The following SGMS2 variants were observed in gnomAD, a reference collection of about 807,000 sequenced individuals.
The protein encoded by SGMS2 is phosphatidylcholine:ceramide cholinephosphotransferase 2.
A neutral mutation model predicts 43.8 loss-of-function variants in SGMS2; 21 were observed. The observed-to-expected ratio is 0.48, with a 90% CI of 0.34 to 0.69. The LOEUF (loss-of-function observed/expected upper bound fraction) is 0.69, where lower values mean the gene tolerates loss of function less well. Among genes scored for constraint, SGMS2 ranks in the 30% least tolerant of loss-of-function variants. SGMS2 has a pLI of 0.01. For synonymous variants in SGMS2, 167 were observed against 160.6 expected, an observed-to-expected ratio of 1.04 and a Z score of -0.30; for missense variants, 384 against 443.2, an observed-to-expected ratio of 0.87 and a Z score of 1.20.
chr4:107,875,200 T>G (rs1288037428), intron 2 of SGMS2, among the ~76,000 whole-genome samples: 1 of 152,182 alleles, frequency 6.6e-6, no homozygotes, highest in Non-Finnish European at 1.5e-5. Context: ...TAAAGACACA[T>G]GCACATGTCT....
At chr4:107,905,850 G>T (rs1731513074) in intron 5 of SGMS2, among the ~76,000 whole-genome samples, 1 of 152,172 alleles carries the variant, frequency 6.6e-6, no homozygotes, top group Non-Finnish European at 1.5e-5. Context: ...ATACTTTAAT[G>T]AAGGCCTCTC....
intron 2 of SGMS2, among the ~76,000 whole-genome samples, chr4:107,870,339 G>A (rs980992242): frequency 2.0e-5 from 3 of 152,102 alleles, no homozygotes; most frequent in African/African-American, 7.2e-5. Context: ...AGGTGAGCAG[G>A]GGAGGGAGTT....
chr4:107,885,157 G>A (rs1370783014), intron 2 of SGMS2, among the ~76,000 whole-genome samples: 1 of 151,980 alleles, frequency 6.6e-6, no homozygotes, highest in East Asian at 1.9e-4. Context: ...GATCTCTATA[G>A]ATTCATCTCC....
At chr4:107,891,571 G>A (rs560211260) in intron 2 of SGMS2, among the ~76,000 whole-genome samples, 4 of 152,234 alleles carry the variant, frequency 2.6e-5, no homozygotes, top group South Asian at 2.1e-4. Flanking sequence ...CAAGGAGTGA[G>A]GTTAAAAGCA....
Position 107,914,590 on chromosome 4 carries a change from A to C in SGMS2, c.*4037A>C, listed in dbSNP as rs189733946. The C allele has an allele frequency of 6.6e-6, 1 of 151,998 alleles. No individual in the cohort carries two copies. The highest frequency in any genetic ancestry group is 1.5e-5 in the Non-Finnish European group (1 of 67,966). 9.4% of individuals were successfully genotyped at this position (151,998 alleles called of 1,614,324 possible). ...TTGTAAAGTAAAATTTTAAGTCTAG[A>C]TTCATTATTTTCCTGACATATATTT... On this transcript the variant is annotated 3_prime_UTR_variant, in exon 7 of 7. Transcript: ENST00000690982.
intron 2 of SGMS2, among the ~76,000 whole-genome samples, chr4:107,875,995 C>G (rs1049962949): frequency 2.6e-5 from 4 of 152,126 alleles, no homozygotes; most frequent in Non-Finnish European, 5.9e-5. Flanking sequence ...TAAATTGCAG[C>G]AAGTGATGGA....
chr4:107,837,600 G>A (rs907336406), intron 1 of SGMS2, among the ~76,000 whole-genome samples: 1 of 152,150 alleles, frequency 6.6e-6, no homozygotes, highest in South Asian at 2.1e-4. Flanking sequence ...CAAATGCCAC[G>A]AGAAGGCATT....
intron 2 of SGMS2, among the ~76,000 whole-genome samples, chr4:107,868,952 T>C (rs1728348631): frequency 6.6e-6 from 1 of 152,202 alleles, no homozygotes; most frequent in South Asian, 2.1e-4. Context: ...TGAACAAGTC[T>C]GATTTGTACT....
In SGMS2 at chr4:107,895,883, C is replaced by T; in HGVS notation, c.330C>T (p.Ser110=). 6.2e-7 allele frequency: 1 copy of T among 1,613,946 alleles called. No homozygotes were observed. Among genetic ancestry groups the T allele is most frequent in the Non-Finnish European group, 8.5e-7 (1 of 1,179,932 alleles). The part of the protein sequence containing the change: ...VHERVPPKEL[S]PPLPDKFFDY... ...AGAGGGTCCCTCCCAAGGAGCTTAG[C>T]CCTCCACTCCCAGACAAGTTTTTTG... The change falls in exon 3 of 7, where the codon AGC becomes AGT. Residue 110 remains serine, a synonymous_variant. Transcript: ENST00000690982.
rs11421852 is a variant in SGMS2 at position 107,898,263 on chromosome 4, A to ATT, written c.456-1303_456-1302dup. On this transcript the variant is annotated intron_variant, in intron 3 of 6. Coordinates refer to ENST00000690982, the MANE Select transcript of SGMS2 (RefSeq NM_001375905.1). ...ACTAGTCTAGGTGGTGTTCCCTTCT[A>ATT]TTTTTTTTTTGACCCCAGAAACCTT... Among the ~76,000 whole-genome samples the ATT allele has an allele frequency of 1.5e-3, 226 of 148,876 alleles. 4 individuals carry two copies. The highest frequency in any genetic ancestry group is 8.2e-3 in the South Asian group (39 of 4,728).
chr4:107,825,517 C>T (rs1033608530), intron 1 of SGMS2, among the ~76,000 whole-genome samples: 1 of 152,096 alleles, frequency 6.6e-6, no homozygotes, highest in Non-Finnish European at 1.5e-5. Flanking sequence ...ACAGGTTAAA[C>T]CCCAGATTGT....
At chr4:107,844,744 G>C (rs990336181) in intron 1 of SGMS2, among the ~76,000 whole-genome samples, 2 of 152,096 alleles carry the variant, frequency 1.3e-5, no homozygotes, top group Admixed American at 1.3e-4. Flanking sequence ...CTTAATTTTA[G>C]ATTCTAAAAT....
At chr4:107,827,032 T>C (rs1339824460) in intron 1 of SGMS2, among the ~76,000 whole-genome samples, 4 of 152,216 alleles carry the variant, frequency 2.6e-5, no homozygotes, top group African/African-American at 9.6e-5. Flanking sequence ...TGTGGGACTT[T>C]AAACAAAATA....
chr4:107,875,675 A>G (rs150847494), intron 2 of SGMS2, among the ~76,000 whole-genome samples: 5 of 152,300 alleles, frequency 3.3e-5, no homozygotes, highest in Non-Finnish European at 7.4e-5. Context: ...AATAAAGAAA[A>G]GAAAAACAGC....
chr4:107,854,614 T>C (rs1462562150), intron 1 of SGMS2, among the ~76,000 whole-genome samples: 2 of 152,200 alleles, frequency 1.3e-5, no homozygotes, highest in African/African-American at 4.8e-5. Flanking sequence ...GAGAATTTGT[T>C]TCAGAGATCT....
At chr4:107,864,772 C>G (rs988957113) in intron 2 of SGMS2, among the ~76,000 whole-genome samples, 10 of 152,140 alleles carry the variant, frequency 6.6e-5, no homozygotes, top group African/African-American at 2.4e-4. Context: ...TTCCAGCTTT[C>G]CTTGAAGTCA....
At chr4:107,866,169 C>T (rs1211095199) in intron 2 of SGMS2, among the ~76,000 whole-genome samples, 1 of 152,076 alleles carries the variant, frequency 6.6e-6, no homozygotes, top group Non-Finnish European at 1.5e-5. Flanking sequence ...TTGTAGGGGC[C>T]ATGGTTATTG....
chr4:107,848,131 A>C (rs1726938613), intron 1 of SGMS2, among the ~76,000 whole-genome samples: 1 of 152,160 alleles, frequency 6.6e-6, no homozygotes, highest in Admixed American at 6.6e-5. Context: ...CCATAGTTTT[A>C]CATTTTCTAG....
chr4:107,908,808 A>G, intron 6 of SGMS2, 77 bp downstream of exon 6: 2 of 1,342,968 alleles, frequency 1.5e-6, no homozygotes, highest in Non-Finnish European at 2.1e-6. Flanking sequence ...GGGGTTTTAG[A>G]TAGCCTAATG....
Sources: gnomAD v4.1 joint callset for allele counts (sites outside exome capture counted in the v4.1 genomes callset) on GRCh38, gnomAD v4.1.1 for gene constraint, MANE v1.5 for transcripts, NCBI Gene and HGNC (gene_info 2026-07-23, HGNC 2026-07-21) for gene names.